The following DNAAF9 variants were observed in gnomAD, a reference collection of about 807,000 sequenced individuals.
DNAAF9 encodes the protein shulin.
DNAAF9 carries 90 observed loss-of-function variants against 167.0 expected under a neutral mutation model. That is an observed-to-expected ratio of 0.54 (90% CI 0.45 to 0.64). The LOEUF is 0.64. DNAAF9 is among the 30% of genes least tolerant of loss of function. The pLI, the probability that DNAAF9 is intolerant of heterozygous loss-of-function variation, is 0.00. For synonymous variants in DNAAF9, 491 were observed against 508.8 expected, an observed-to-expected ratio of 0.96 and a Z score of 0.47; for missense variants, 1,315 against 1,442.2, an observed-to-expected ratio of 0.91 and a Z score of 1.43.
intron 20 of DNAAF9, among the ~76,000 whole-genome samples, chr20:3,311,743 A>T (rs1249771267): frequency 6.6e-6 from 1 of 152,178 alleles, no homozygotes; most frequent in Non-Finnish European, 1.5e-5. Flanking sequence ...AAAATAAGAT[A>T]TTGTCTAGGT....
At chr20:3,349,242 C>T (rs1332530431) in intron 7 of DNAAF9, among the ~76,000 whole-genome samples, 1 of 145,464 alleles carries the variant, frequency 6.9e-6, no homozygotes, top group Admixed American at 6.9e-5. Context: ...ACGAGCTGAG[C>T]TTGGTGGTGC....
chr20:3,407,354 C>T, intron 1 of DNAAF9, 121 bp downstream of exon 1: 2 of 847,610 alleles, frequency 2.4e-6, no homozygotes, highest in Non-Finnish European at 3.1e-6. Flanking sequence ...CTGAGCCGTT[C>T]AGCAAAGAAC....
chr20:3,258,517 G>A (rs1463972825), intron 33 of DNAAF9, among the ~76,000 whole-genome samples: 2 of 152,056 alleles, frequency 1.3e-5, no homozygotes, highest in South Asian at 2.1e-4. Context: ...GAGATAAGTC[G>A]GCAGAGAAAT....
chr20:3,331,962 C>T (rs558442003), intron 11 of DNAAF9, among the ~76,000 whole-genome samples: 45 of 152,368 alleles, frequency 3.0e-4, no homozygotes, highest in African/African-American at 1.0e-3. Context: ...GCGTGAGCCG[C>T]CATTCCTGGT....
intron 27 of DNAAF9, among the ~76,000 whole-genome samples, chr20:3,283,588 C>A (rs1292176253): frequency 6.6e-6 from 1 of 152,192 alleles, no homozygotes; most frequent in Non-Finnish European, 1.5e-5. Flanking sequence ...GAGTCCCACC[C>A]ACAACACGCA....
intron 8 of DNAAF9, among the ~76,000 whole-genome samples, chr20:3,345,771 C>A (rs995962686): frequency 6.6e-5 from 10 of 152,008 alleles, no homozygotes; most frequent in African/African-American, 2.4e-4. Flanking sequence ...AACCAACTGA[C>A]AAATATGGAA....
At chr20:3,339,264 A>G (rs944600017) in intron 10 of DNAAF9, among the ~76,000 whole-genome samples, 1 of 152,210 alleles carries the variant, frequency 6.6e-6, no homozygotes, top group African/African-American at 2.4e-5. Context: ...ATATTACAAA[A>G]TATGAGTCAT....
intron 1 of DNAAF9, among the ~76,000 whole-genome samples, chr20:3,395,217 C>T (rs1357852957): frequency 1.4e-5 from 2 of 139,722 alleles, no homozygotes; most frequent in African/African-American, 2.9e-5. Flanking sequence ...GTGATCCGCC[C>T]GTCTCGGCCT....
intron 11 of DNAAF9, among the ~76,000 whole-genome samples, chr20:3,331,301 G>A (rs928635162): frequency 6.6e-6 from 1 of 152,072 alleles, no homozygotes; most frequent in Admixed American, 6.5e-5. Context: ...TCAGTAAACA[G>A]GCTCAGTTCT....
chr20:3,284,529 C>T (rs1023520349), intron 27 of DNAAF9, among the ~76,000 whole-genome samples: 17 of 105,396 alleles, frequency 1.6e-4, no homozygotes, highest in African/African-American at 5.2e-4. Context: ...AACTGTATGA[C>T]GAAGGCAAAA....
In DNAAF9 at chr20:3,395,064, T is replaced by C. The variant is rs1046125998; in HGVS notation, c.83+12411A>G. Among the ~76,000 whole-genome samples the C allele has an allele frequency of 5.0e-5, 7 of 141,030 alleles. No homozygotes were observed. In the Admixed American group the frequency reaches 5.1e-4, roughly 10 times the overall value. 92.5% of individuals were successfully genotyped at this position (141,030 alleles called of 152,430 possible). ...CTCACTGCAAGCTCCGCCTCCCGGG[T>C]TCACGCCATTCTCCTGCCTCAGCCT... On this transcript the variant is annotated intron_variant, in intron 1 of 36. Transcript: ENST00000252032.
At position 3,294,209 on chromosome 20, in the gene DNAAF9, A is replaced by G. The variant is rs759007211; in HGVS notation, c.2168T>C (p.Met723Thr). The change falls in exon 25 of 37, where the codon ATG (methionine) becomes ACG (threonine). Residue 723 changes from methionine (M) to threonine (T), a missense_variant. This residue lies in a region of DNAAF9 where 981 missense variants were observed against 1,012.5 expected (regional missense o/e 0.97). Transcript: ENST00000252032. The stretch of plus-strand genomic sequence containing the variant: ...CAGCAGCACAGGAAGATGGGTCCGC[A>G]TCACAGGCTCCTGGCTAATGCTGCT... The part of the protein sequence containing the change: ...AISSISQEPV[M>T]RTHLPVLLQQ... 8 of 1,613,600 alleles carry G rather than the reference A, an allele frequency of 5.0e-6. No individual in the cohort carries two copies. In the South Asian group the frequency reaches 8.8e-5, roughly 18 times the overall value.
chr20:3,345,346 T>C (rs1414857257), intron 8 of DNAAF9, among the ~76,000 whole-genome samples: 1 of 152,182 alleles, frequency 6.6e-6, no homozygotes, highest in African/African-American at 2.4e-5. Context: ...AAATTTATCG[T>C]GGGCTTACCA....
chr20:3,386,928 G>A (rs1380327997), intron 1 of DNAAF9, among the ~76,000 whole-genome samples: 1 of 152,122 alleles, frequency 6.6e-6, no homozygotes, highest in Admixed American at 6.5e-5. Context: ...ACCTCTATTA[G>A]AATGGATAAA....
chr20:3,255,535 G>A (rs1387320065), intron 34 of DNAAF9, among the ~76,000 whole-genome samples: 2 of 152,180 alleles, frequency 1.3e-5, no homozygotes, highest in African/African-American at 4.8e-5. Context: ...GAATGGTCGT[G>A]CCTCTTTGTA....
At chr20:3,253,563 CT>C (rs2068228652) in intron 36 of DNAAF9, among the ~76,000 whole-genome samples, 162 bp downstream of exon 36, 1 of 152,190 alleles carries the variant, frequency 6.6e-6, no homozygotes, top group African/African-American at 2.4e-5. Flanking sequence ...AAGTTCGCCC[CT>C]GAGGTTTGCC....
intron 10 of DNAAF9, among the ~76,000 whole-genome samples, chr20:3,333,063 T>TA (rs2069870370): frequency 6.6e-6 from 1 of 152,138 alleles, no homozygotes; most frequent in African/African-American, 2.4e-5. Flanking sequence ...CATTAATACT[T>TA]AGTCCAGAGC....
At chr20:3,276,961 T>C (rs144566078) in intron 29 of DNAAF9, among the ~76,000 whole-genome samples, 147 of 152,226 alleles carry the variant, frequency 9.7e-4, no homozygotes, top group African/African-American at 3.4e-3. Context: ...CCCTACCCCT[T>C]CCTTCTCAGG....
At chr20:3,270,641 T>C in intron 29 of DNAAF9, 79 bp from the exon 30 acceptor site, 1 of 1,279,812 alleles carries the variant, frequency 7.8e-7, no homozygotes, top group Non-Finnish European at 1.1e-6. Flanking sequence ...GAGCCCTTGC[T>C]CCATCCCCTA....
Sources: gnomAD v4.1 joint callset for allele counts (sites outside exome capture counted in the v4.1 genomes callset) on GRCh38, gnomAD v4.1.1 for gene constraint, gnomAD v4.1.1 regional missense constraint, MANE v1.5 for transcripts, NCBI Gene and HGNC (gene_info 2026-07-23, HGNC 2026-07-21) for gene names.